Variants in ZNF445 observed in about 807,000 individuals in gnomAD.
ZNF445 encodes zinc finger protein 168.
In ZNF445, 19 loss-of-function variants were observed where a neutral mutation model predicts 93.9. The ratio of observed to expected loss-of-function variants is 0.20; its 90% confidence interval spans 0.14 to 0.30. The LOEUF is 0.30. ZNF445 is among the 10% of genes least tolerant of loss of function. The pLI is 1.00. For missense variants in ZNF445, 1,058 were observed against 1,259.4 expected, an observed-to-expected ratio of 0.84 and a Z score of 2.42; for synonymous variants, 449 against 446.3, an observed-to-expected ratio of 1.01 and a Z score of -0.08.
At position 44,438,318 on chromosome 3, in the gene ZNF445, C is replaced by G. The variant is rs1265747528; in HGVS notation, c.*8257G>C. The G allele has an allele frequency of 6.6e-6, 1 of 152,082 alleles. No homozygotes were observed. Among genetic ancestry groups the G allele is most frequent in the Non-Finnish European group, 1.5e-5 (1 of 68,018 alleles). The allele number at this position is 152,082 out of a possible 1,614,324, so 9.4% of individuals were successfully genotyped here. A position where few individuals can be genotyped will look rare whatever the true frequency, so the allele number is the denominator to read the frequency against. ...AGGATTACAGGCACACACCACCACA[C>G]CCGGCTAATTTTTGTATTTTTAATA... On this transcript the variant is annotated 3_prime_UTR_variant, in exon 8 of 8. Transcript: ENST00000396077.
Position 44,447,820 on chromosome 3 carries a change from C to T in ZNF445, c.1851G>A (p.Arg617=). ...TATAGGGCTTCTCCTGGGTGTGAAT[C>T]CTTTGATGTTCAAGAACATATGACT... ...HCKSYVLEHQ[R]IHTQEKPYKC... The change falls in exon 8 of 8, where the codon AGG becomes AGA. Residue 617 remains arginine (R), a synonymous_variant. Transcript: ENST00000396077. This position sits in a 1 kb window ranked among gnomAD's most constrained non-coding sequence, Gnocchi z 4.7. 1 of 1,614,070 alleles carries T rather than the reference C, an allele frequency of 6.2e-7. No individual in the cohort carries two copies.
chr3:44,465,364 A>G (rs1327990628), intron 1 of ZNF445, among the ~76,000 whole-genome samples: 1 of 152,220 alleles, frequency 6.6e-6, no homozygotes, highest in Non-Finnish European at 1.5e-5. Context: ...TAAAGGGTTG[A>G]TCTTGTAAAA....
Position 44,468,114 on chromosome 3 carries a change from G to A in ZNF445, c.-269+9477C>T, listed in dbSNP as rs139140355. ...GTGAGTACACTCAGACAGTTGCAAA[G>A]CAGTTCCACTCTTCTCACGCTGGGG... On this transcript the variant is annotated intron_variant, in intron 1 of 7. Coordinates refer to ENST00000396077, the MANE Select transcript of ZNF445 (RefSeq NM_181489.6). Among the ~76,000 whole-genome samples the A allele has an allele frequency of 6.4e-4, 97 of 152,322 alleles. 1 individual carries two copies. In the East Asian group the frequency reaches 0.017, roughly 26 times the overall value.
In ZNF445 at chr3:44,446,552, C is replaced by T; in HGVS notation, c.*23G>A. 2 of 1,613,652 alleles carry T rather than the reference C, an allele frequency of 1.2e-6. No individual in the cohort carries two copies. The highest frequency in any genetic ancestry group is 1.7e-6 in the Non-Finnish European group (2 of 1,179,968). ...TAGCAGGGGACTGAGAACCCACCCCCACTGTCACTGTCAGGTCCCAGGCTA... is the reference window on the plus strand; with the variant it reads ...TAGCAGGGGACTGAGAACCCACCCCTACTGTCACTGTCAGGTCCCAGGCTA... On this transcript the variant is annotated 3_prime_UTR_variant, in exon 8 of 8. Coordinates refer to ENST00000396077, the MANE Select transcript of ZNF445 (RefSeq NM_181489.6). The surrounding 1 kb of genome is among the most constrained non-coding windows in gnomAD (Gnocchi z 4.2).
chr3:44,442,668 A>G lies in ZNF445; in HGVS notation c.*3907T>C, dbSNP rs1697826263. The stretch of plus-strand genomic sequence containing the variant: ...TCAGTTCCTCCAAGGGAGTGGGGGA[A>G]AGGTGGGAAGGGTTGGAAGGAAACT... On this transcript the variant is annotated 3_prime_UTR_variant, in exon 8 of 8. Transcript: ENST00000396077. The G allele has an allele frequency of 6.6e-6, 1 of 152,244 alleles. No individual in the cohort carries two copies. Among genetic ancestry groups the G allele is most frequent in the Non-Finnish European group, 1.5e-5 (1 of 68,078 alleles). 9.4% of individuals were successfully genotyped at this position (152,244 alleles called of 1,614,324 possible).
chr3:44,448,438 T>C lies in ZNF445; in HGVS notation c.1233A>G (p.Glu411=), dbSNP rs755258816. ...VTYLRVSGRK[E]SLKHGCGKHF... is the part of the protein sequence containing the mutation. Reference sequence around the variant, plus strand: ...GTTTGCCACAGCCATGTTTAAGGGATTCCTTTCTTCCAGAAACTCTCAAAT... The same window carrying C: ...GTTTGCCACAGCCATGTTTAAGGGACTCCTTTCTTCCAGAAACTCTCAAAT... Residue 411 remains glutamate (E), a synonymous_variant, in exon 8 of 8, where the codon GAA becomes GAG. Coordinates refer to ENST00000396077, the MANE Select transcript of ZNF445 (RefSeq NM_181489.6). 5.0e-6 allele frequency: 8 copies of C among 1,613,972 alleles called. No individual in the cohort carries two copies. In the Admixed American group the frequency reaches 1.0e-4, roughly 20 times the overall value.
intron 2 of ZNF445, 55 bp downstream of exon 2, chr3:44,458,189 T>A (rs1019381484): frequency 6.6e-6 from 1 of 151,950 alleles, no homozygotes; most frequent in Non-Finnish European, 1.5e-5. Flanking sequence ...GTCAACATGA[T>A]GAAACCCCAT....
Position 44,447,464 on chromosome 3 carries a change from T to C in ZNF445, c.2207A>G (p.Lys736Arg), listed in dbSNP as rs1413955341. 6.2e-7 allele frequency: 1 copy of C among 1,614,200 alleles called. No individual in the cohort carries two copies. The highest frequency in any genetic ancestry group is 1.7e-5 in the Admixed American group (1 of 60,020). ...ACTAAAAGATGGCCCGCCCTCAGGT[T>C]TTCTTTTCATGGCATGCTTCTTCTT... The part of the protein sequence containing the change: ...VHKKKHAMKR[K>R]PEGGPSFSQD... The change falls in exon 8 of 8, where the codon AAA (lysine) becomes AGA (arginine). Residue 736 changes from lysine to arginine, a missense_variant. Coordinates refer to ENST00000396077, the MANE Select transcript of ZNF445 (RefSeq NM_181489.6). This position sits in a 1 kb window ranked among gnomAD's most constrained non-coding sequence, Gnocchi z 4.7.
intron 6 of ZNF445, 195 bp downstream of exon 6, chr3:44,450,252 A>T: frequency 1.5e-6 from 1 of 646,634 alleles, no homozygotes. Flanking sequence ...TTTAATCTTT[A>T]CAATAATCCA....
chr3:44,474,471 G>A (rs1045886936), intron 1 of ZNF445, among the ~76,000 whole-genome samples: 1 of 152,036 alleles, frequency 6.6e-6, no homozygotes, highest in African/African-American at 2.4e-5. Context: ...CCGAGATCAC[G>A]CCATTGCACT....
chr3:44,446,617 A>G lies in ZNF445; in HGVS notation c.3054T>C (p.Ser1018=), dbSNP rs1282339864. ...CSKCGKTFRW[S]SNLARHMKNH... The stretch of plus-strand genomic sequence containing the variant: ...TTTTCATATGCCGAGCCAGGTTCGA[A>G]GACCACCTGAAGGTCTTTCCACACT... The change falls in exon 8 of 8, where the codon TCT becomes TCC. Residue 1018 remains serine, a synonymous_variant. Transcript: ENST00000396077. This position sits in a 1 kb window ranked among gnomAD's most constrained non-coding sequence, Gnocchi z 4.2. The G allele has an allele frequency of 3.1e-6, 5 of 1,614,220 alleles. No homozygotes were observed. In the South Asian group the frequency reaches 5.5e-5, roughly 18 times the overall value.
chr3:44,448,638 C>A lies in ZNF445; in HGVS notation c.1033G>T (p.Val345Phe), dbSNP rs188434651. The A allele has an allele frequency of 5.6e-6, 9 of 1,614,096 alleles. No homozygotes were observed. Among genetic ancestry groups the A allele is most frequent in the African/African-American group, 1.3e-5 (1 of 74,938 alleles). The change falls in exon 8 of 8, where the codon GTT becomes TTT. Residue 345 changes from valine (V) to phenylalanine (F), a missense_variant. Coordinates refer to ENST00000396077, the MANE Select transcript of ZNF445 (RefSeq NM_181489.6). Reference protein sequence around the residue: ...AVSSGCPATSVSEGIGLRESF... With the variant: ...AVSSGCPATSFSEGIGLRESF... ...TCTCTGAGCCCAATTCCCTCAGAAA[C>A]ACTTGTCGCAGGACATCCTGATGAC...
At chr3:44,452,008 TAGAG>T (rs1559394116) in intron 3 of ZNF445, among the ~76,000 whole-genome samples, 1 of 152,114 alleles carries the variant, frequency 6.6e-6, no homozygotes, top group African/African-American at 2.4e-5. Flanking sequence ...ATAACACTGA[TAGAG>T]AGGCAATGCT....
At position 44,433,647 on chromosome 3, in the gene ZNF445, G is replaced by C. The variant is rs1347174813; in HGVS notation, c.*12928C>G. 6.6e-6 allele frequency: 1 copy of C among 152,410 alleles called. No homozygotes were observed. The highest frequency in any genetic ancestry group is 6.5e-5 in the Admixed American group (1 of 15,288). 9.4% of individuals were successfully genotyped at this position (152,410 alleles called of 1,614,324 possible). On this transcript the variant is annotated 3_prime_UTR_variant, in exon 8 of 8. Transcript: ENST00000396077. ...GACCAAGTTCTGGCTTCTGCCCTTAGAGGAGCCGGACCTGCAGAGAGAGAG... is the reference window on the plus strand; with the variant it reads ...GACCAAGTTCTGGCTTCTGCCCTTACAGGAGCCGGACCTGCAGAGAGAGAG...
chr3:44,444,572 AG>A lies in ZNF445; in HGVS notation c.*2002del, dbSNP rs1255019557. 1.3e-5 allele frequency: 2 copies of A among 152,282 alleles called. No individual in the cohort carries two copies. The highest frequency in any genetic ancestry group is 2.9e-5 in the Non-Finnish European group (2 of 68,104). 9.4% of individuals were successfully genotyped at this position (152,282 alleles called of 1,614,324 possible). A position where few individuals can be genotyped will look rare whatever the true frequency, so the allele number is the denominator to read the frequency against. On this transcript the variant is annotated 3_prime_UTR_variant, in exon 8 of 8. Transcript: ENST00000396077. ...TCTAGTGCCAGTTTTGGGACAGTGA[AG>A]GGACATCTTCAGTGCCATGAACAGC...
At chr3:44,449,281 G>T (rs1353376712) in intron 7 of ZNF445, among the ~76,000 whole-genome samples, 1 of 152,114 alleles carries the variant, frequency 6.6e-6, no homozygotes, top group Non-Finnish European at 1.5e-5. Context: ...AACTATTATT[G>T]AGAGGGCTGC....
In ZNF445 at chr3:44,435,397, C is replaced by G. The variant is rs1482691990; in HGVS notation, c.*11178G>C. On this transcript the variant is annotated 3_prime_UTR_variant, in exon 8 of 8. Coordinates refer to ENST00000396077, the MANE Select transcript of ZNF445 (RefSeq NM_181489.6). ...ACTGCAAACCAGTTGTCAGACGTAT[C>G]GTTTGCTCAGCACTGAAACCACATG... The G allele has an allele frequency of 6.6e-6, 1 of 152,168 alleles. No homozygotes were observed. Among genetic ancestry groups the G allele is most frequent in the Non-Finnish European group, 1.5e-5 (1 of 68,036 alleles). The allele number at this position is 152,168 out of a possible 1,614,324, so 9.4% of individuals were successfully genotyped here.
chr3:44,455,843 A>G (rs780690694), intron 2 of ZNF445, 147 bp from the exon 3 acceptor site: 27 of 315,584 alleles, frequency 8.6e-5, no homozygotes, highest in Non-Finnish European at 1.5e-4. Flanking sequence ...GCTGTCCCCT[A>G]TTGGAGTAAG....
chr3:44,448,137 C>G lies in ZNF445; in HGVS notation c.1534G>C (p.Ala512Pro). The G allele has an allele frequency of 3.1e-6, 5 of 1,614,138 alleles. No homozygotes were observed. The highest frequency in any genetic ancestry group is 4.2e-6 in the Non-Finnish European group (5 of 1,180,028). The change falls in exon 8 of 8, where the codon GCA (alanine) becomes CCA (proline). Residue 512 changes from alanine (A) to proline (P), a missense_variant. Transcript: ENST00000396077. ...YHQRLHTQEK[A>P]FKCRVCGKAF... ...TTCCCACACACCCTACATTTAAATG[C>G]TTTCTCTTGAGTGTGAAGTCTCTGA...
Sources: gnomAD v4.1 joint callset for allele counts (sites outside exome capture counted in the v4.1 genomes callset) on GRCh38, gnomAD v4.1.1 for gene constraint, Gnocchi (gnomAD v3.1) non-coding constraint, MANE v1.5 for transcripts, NCBI Gene and HGNC (gene_info 2026-07-23, HGNC 2026-07-21) for gene names.